Variants in STX17 observed in about 807,000 individuals in gnomAD.
STX17 encodes syntaxin 17, also known as syntaxin-17.
Under a neutral mutation model 35.9 loss-of-function variants are expected in STX17, and 29 were observed. The observed-to-expected ratio is 0.81, with a 90% CI of 0.60 to 1.10. The LOEUF is 1.10. Among genes scored for constraint, STX17 ranks in the 50% least tolerant of loss-of-function variants. The pLI, the probability that STX17 is intolerant of heterozygous loss-of-function variation, is 0.00. For missense variants in STX17, 312 were observed against 352.3 expected (o/e 0.89, Z 0.92); for synonymous variants, 92 against 118.3 (o/e 0.78, Z 1.44).
At chr9:99,921,106 GAGAA>G (rs1828875165) in intron 2 of STX17, among the ~76,000 whole-genome samples, 1 of 152,132 alleles carries the variant, frequency 6.6e-6, no homozygotes. Flanking sequence ...TTTTTAGGTG[GAGAA>G]AGATTTAGAG....
chr9:99,944,971 A>G (rs1829449455), intron 3 of STX17, among the ~76,000 whole-genome samples: 2 of 152,196 alleles, frequency 1.3e-5, no homozygotes, highest in Non-Finnish European at 2.9e-5. Flanking sequence ...GTATGATATC[A>G]GTGTCAATAT....
intron 3 of STX17, among the ~76,000 whole-genome samples, chr9:99,935,196 G>A (rs563778739): frequency 6.6e-6 from 1 of 151,902 alleles, no homozygotes; most frequent in South Asian, 2.1e-4. Flanking sequence ...CGGATGTGGT[G>A]GTGGGCACCT....
chr9:99,906,898 T>G (rs1031264599), intron 1 of STX17, 192 bp downstream of exon 1: 5 of 152,244 alleles, frequency 3.3e-5, no homozygotes, highest in Admixed American at 6.5e-5. Flanking sequence ...TTTTGGAAGC[T>G]TTATTGGAAG....
rs759587336 is a variant in STX17, at chr9:99,915,190, G to T, written c.-50G>T. ...ATTTTTCTTTTAGGTTTTTCTATAT[G>T]AGTGGAGAAGACAGCTGTTACCAGG... On this transcript the variant is annotated 5_prime_UTR_variant, in exon 2 of 8. An upstream start codon of the reference 5' UTR is lost. Transcript: ENST00000259400. The T allele has an allele frequency of 5.2e-6, 8 of 1,552,574 alleles. No homozygotes were observed. Among genetic ancestry groups the T allele is most frequent in the Non-Finnish European group, 6.1e-6 (7 of 1,153,844 alleles).
intron 6 of STX17, among the ~76,000 whole-genome samples, 153 bp downstream of exon 6, chr9:99,960,308 C>A (rs1296778047): frequency 1.3e-5 from 2 of 152,144 alleles, no homozygotes; most frequent in Non-Finnish European, 2.9e-5. Context: ...TTCTCAAATT[C>A]CAGATTAATT....
intron 2 of STX17, among the ~76,000 whole-genome samples, chr9:99,921,440 T>G (rs1329626489): frequency 6.6e-6 from 1 of 152,128 alleles, no homozygotes; most frequent in Admixed American, 6.6e-5. Context: ...TATTTGTTAT[T>G]ATATGGAATT....
At chr9:99,916,520 T>G (rs1467334546) in intron 2 of STX17, among the ~76,000 whole-genome samples, 1 of 151,900 alleles carries the variant, frequency 6.6e-6, no homozygotes, top group African/African-American at 2.4e-5. Flanking sequence ...ATATAAACAT[T>G]ATTCATTACT....
chr9:99,909,031 A>G (rs966239064), intron 1 of STX17, among the ~76,000 whole-genome samples: 2 of 152,210 alleles, frequency 1.3e-5, no homozygotes, highest in Admixed American at 6.5e-5. Context: ...ATTCTACAAA[A>G]TATTTTCTTA....
At position 99,964,151 on chromosome 9, in the gene STX17, A is replaced by G. The variant is rs58685694; in HGVS notation, c.583-3502A>G. ...TTGGGGGTTAATTTTTGAATGTATT[A>G]TTATTGCTTGACATAGAGGATGCTA... is the stretch of plus-strand genomic sequence containing the variant. On this transcript the variant is annotated intron_variant, in intron 6 of 7. Coordinates refer to ENST00000259400, the MANE Select transcript of STX17 (RefSeq NM_017919.3). 6.3e-3 allele frequency among the ~76,000 whole-genome samples: 965 copies of G among 152,270 alleles called. 7 individuals carry two copies. Among genetic ancestry groups the G allele is most frequent in the African/African-American group, 0.022 (930 of 41,548 alleles).
At chr9:99,936,492 C>T (rs1459216770) in intron 3 of STX17, among the ~76,000 whole-genome samples, 1 of 152,092 alleles carries the variant, frequency 6.6e-6, no homozygotes, top group Non-Finnish European at 1.5e-5. Flanking sequence ...AAAACAACTT[C>T]TCTTGTTCTC....
chr9:99,974,016 C>T lies in STX17; in HGVS notation c.*5343C>T, dbSNP rs1830060996. 6.6e-6 allele frequency among the ~76,000 whole-genome samples: 1 copy of T among 152,254 alleles called. No individual in the cohort carries two copies. Among genetic ancestry groups the T allele is most frequent in the South Asian group, 2.1e-4 (1 of 4,822 alleles). On this transcript the variant is annotated 3_prime_UTR_variant, in exon 8 of 8. Transcript: ENST00000259400. ...AATTTCTATATTACTTTATAATAGT[C>T]AGCTGGGGGTTATTTAAGCTCTTGG...
intron 3 of STX17, among the ~76,000 whole-genome samples, chr9:99,935,437 C>T (rs1429312112): frequency 1.3e-5 from 2 of 151,648 alleles, no homozygotes; most frequent in Non-Finnish European, 2.9e-5. Flanking sequence ...AAACTTATGT[C>T]AGTGATTATA....
chr9:99,962,935 T>C (rs1412155696), intron 6 of STX17, among the ~76,000 whole-genome samples: 1 of 152,148 alleles, frequency 6.6e-6, no homozygotes, highest in African/African-American at 2.4e-5. Flanking sequence ...TATCATCACA[T>C]GGACATGATA....
intron 2 of STX17, among the ~76,000 whole-genome samples, chr9:99,919,645 A>T (rs117009306): frequency 6.6e-6 from 1 of 152,166 alleles, no homozygotes; most frequent in Non-Finnish European, 1.5e-5. Context: ...AAGAGTAGAG[A>T]TGAATATTTG....
At chr9:99,950,570 A>G (rs1280706548) in intron 3 of STX17, among the ~76,000 whole-genome samples, 2 of 152,028 alleles carry the variant, frequency 1.3e-5, no homozygotes, top group African/African-American at 4.8e-5. Context: ...ACCGTGGAAT[A>G]TAGTGTAACC....
At chr9:99,911,220 T>C (rs1480101890) in intron 1 of STX17, among the ~76,000 whole-genome samples, 1 of 152,102 alleles carries the variant, frequency 6.6e-6, no homozygotes, top group Non-Finnish European at 1.5e-5. Flanking sequence ...TATTTTTTAG[T>C]AGAGACGGGG....
intron 3 of STX17, among the ~76,000 whole-genome samples, chr9:99,949,124 G>A (rs1829542524): frequency 6.6e-6 from 1 of 152,036 alleles, no homozygotes; most frequent in Admixed American, 6.6e-5. Flanking sequence ...TTGTAAAATT[G>A]TGAGGTTGTA....
At chr9:99,912,937 A>G (rs1828691881) in intron 1 of STX17, among the ~76,000 whole-genome samples, 1 of 152,162 alleles carries the variant, frequency 6.6e-6, no homozygotes. Flanking sequence ...GGGGCTTGGT[A>G]ATAAACTCTC....
chr9:99,933,341 C>T (rs1050678422), intron 3 of STX17, among the ~76,000 whole-genome samples: 5 of 152,126 alleles, frequency 3.3e-5, no homozygotes, highest in Non-Finnish European at 7.4e-5. Flanking sequence ...TAAGATAAAG[C>T]TTGATATCTG....
Sources: allele counts gnomAD v4.1 joint callset (sites outside exome capture counted in the v4.1 genomes callset), GRCh38; gene constraint gnomAD v4.1.1; transcripts MANE v1.5; gene names NCBI Gene and HGNC (gene_info 2026-07-23, HGNC 2026-07-21).